Variants in SYT1 observed in about 807,000 individuals in gnomAD.
SYT1 encodes synaptotagmin 1.
In SYT1, 8 loss-of-function variants were observed where a neutral mutation model predicts 44.8. That is an observed-to-expected ratio of 0.18 (90% CI 0.10 to 0.32). SYT1 has a LOEUF of 0.32. SYT1 is among the 10% of genes least tolerant of loss of function. The pLI is 1.00. For synonymous variants in SYT1, 154 were observed against 188.8 expected (o/e 0.82, Z 1.51); for missense variants, 286 against 509.3 (o/e 0.56, Z 4.22).
intron 3 of SYT1, among the ~76,000 whole-genome samples, chr12:79,187,802 C>T (rs942434000): frequency 6.6e-6 from 1 of 152,104 alleles, no homozygotes; most frequent in Non-Finnish European, 1.5e-5. Flanking sequence ...CTAGCAATCT[C>T]GCTGATATGT....
At chr12:79,085,990 T>A (rs1206427863) in intron 3 of SYT1, among the ~76,000 whole-genome samples, 3 of 152,106 alleles carry the variant, frequency 2.0e-5, no homozygotes, top group Admixed American at 1.3e-4. Context: ...CAGGTTTGAA[T>A]CCCAGATCTT....
intron 3 of SYT1, among the ~76,000 whole-genome samples, chr12:79,072,728 T>A (rs1876371763): frequency 6.6e-6 from 1 of 152,146 alleles, no homozygotes; most frequent in Non-Finnish European, 1.5e-5. Context: ...TTAAACAAGA[T>A]GAGAATTAAG....
intron 3 of SYT1, among the ~76,000 whole-genome samples, chr12:79,056,834 T>A (rs1351179454): frequency 6.6e-6 from 1 of 152,082 alleles, no homozygotes; most frequent in Non-Finnish European, 1.5e-5. Flanking sequence ...TTTTCCCTCA[T>A]GATACAGAAT....
At chr12:79,374,379 A>G (rs2136056227) in intron 9 of SYT1, among the ~76,000 whole-genome samples, 2 of 152,298 alleles carry the variant, frequency 1.3e-5, no homozygotes. Context: ...AAAGAGAAAA[A>G]GATGATATCA....
intron 9 of SYT1, among the ~76,000 whole-genome samples, chr12:79,410,676 G>GT: frequency 6.6e-6 from 1 of 152,038 alleles, no homozygotes; most frequent in South Asian, 2.1e-4. Flanking sequence ...ATTTTCACTG[G>GT]TTTTAAAACT....
At chr12:79,253,200 C>T (rs538380540) in intron 4 of SYT1, among the ~76,000 whole-genome samples, 5 of 152,046 alleles carry the variant, frequency 3.3e-5, no homozygotes, top group African/African-American at 9.7e-5. Context: ...TTAAAGATAC[C>T]GCAGATTTTT....
intron 2 of SYT1, among the ~76,000 whole-genome samples, chr12:79,002,377 TC>T (rs1870798783): frequency 1.3e-5 from 2 of 152,128 alleles, no homozygotes; most frequent in South Asian, 4.1e-4. Context: ...AGCTGAAATT[TC>T]CTCAGTAGGA....
chr12:79,408,913 T>C (rs373645399), intron 9 of SYT1, among the ~76,000 whole-genome samples: 27 of 152,218 alleles, frequency 1.8e-4, no homozygotes, highest in African/African-American at 6.5e-4. Context: ...TCTGTGGTAC[T>C]GATTTATGGA....
upstream of SYT1, chr12:78,864,137 A>C (rs917677257): frequency 2.6e-5 from 4 of 152,404 alleles, no homozygotes; most frequent in East Asian, 7.8e-4. Flanking sequence ...CCCGCGGCTC[A>C]GTTTGAGGAC....
At chr12:79,424,231 G>A (rs1255291834) in intron 9 of SYT1, among the ~76,000 whole-genome samples, 2 of 152,022 alleles carry the variant, frequency 1.3e-5, no homozygotes, top group Admixed American at 6.6e-5. Flanking sequence ...GGTTACCGTG[G>A]AGATGATTAT....
intron 1 of SYT1, among the ~76,000 whole-genome samples, chr12:78,865,330 T>C (rs961421508): frequency 1.3e-5 from 2 of 152,116 alleles, no homozygotes; most frequent in Admixed American, 6.5e-5. Context: ...GGAGTTGATG[T>C]TGGGCATCCC....
chr12:79,179,818 A>T (rs1303241552), intron 3 of SYT1, among the ~76,000 whole-genome samples: 1 of 151,958 alleles, frequency 6.6e-6, no homozygotes, highest in Admixed American at 6.6e-5. Flanking sequence ...ACAATGTACC[A>T]CTAAGGGTGT....
At chr12:79,293,332 A>AAAT (rs1280443371) in intron 6 of SYT1, among the ~76,000 whole-genome samples, 1 of 7,960 alleles carries the variant, frequency 1.3e-4, no homozygotes, top group African/African-American at 1.2e-3. Flanking sequence ...TCAAAAAATA[A>AAAT]AATAAAATAA....
intron 4 of SYT1, among the ~76,000 whole-genome samples, chr12:79,268,382 T>C (rs1185490877): frequency 1.3e-5 from 2 of 152,206 alleles, no homozygotes; most frequent in East Asian, 3.8e-4. Context: ...GGATTAATCA[T>C]TAACCCTTTA....
intron 4 of SYT1, among the ~76,000 whole-genome samples, chr12:79,229,650 G>A (rs985001608): frequency 3.3e-5 from 5 of 151,602 alleles, no homozygotes; most frequent in Non-Finnish European, 7.4e-5. Context: ...CTGGAGTGCA[G>A]TGGCACAATC....
rs897066301 is a variant in SYT1 at position 79,044,265 on chromosome 12, A to G, written c.-83-3032A>G. ...TCTCCCCATCACTTTCAGGTACACC[A>G]GTCAGACGTAGACTTGGTCTTTTCA... On this transcript the variant is annotated intron_variant, in intron 2 of 10. Coordinates refer to ENST00000261205, the MANE Select transcript of SYT1 (RefSeq NM_005639.3). Among the ~76,000 whole-genome samples, 59 of 152,198 alleles carry G rather than the reference A, an allele frequency of 3.9e-4. 1 individual carries two copies. The highest frequency in any genetic ancestry group is 1.5e-4 in the Non-Finnish European group (10 of 68,048).
intron 3 of SYT1, among the ~76,000 whole-genome samples, chr12:79,211,889 T>C (rs1009907572): frequency 6.6e-6 from 1 of 152,128 alleles, no homozygotes; most frequent in South Asian, 2.1e-4. Context: ...TCCTTCCTAA[T>C]TGCCCAGTTT....
intron 4 of SYT1, among the ~76,000 whole-genome samples, chr12:79,233,518 T>A (rs1875995160): frequency 6.6e-6 from 1 of 152,236 alleles, no homozygotes; most frequent in African/African-American, 2.4e-5. Context: ...AGCTACATTG[T>A]CGATATCACC....
chr12:78,870,645 C>T (rs1243080803), intron 1 of SYT1, among the ~76,000 whole-genome samples: 1 of 151,996 alleles, frequency 6.6e-6, no homozygotes, highest in Non-Finnish European at 1.5e-5. Flanking sequence ...TCATTTCAGT[C>T]CCTTGAGAAT....
Sources: allele counts gnomAD v4.1 joint callset (sites outside exome capture counted in the v4.1 genomes callset), GRCh38; gene constraint gnomAD v4.1.1; transcripts MANE v1.5; gene names NCBI Gene and HGNC (gene_info 2026-07-23, HGNC 2026-07-21).